The following ABCA12 variants were observed in gnomAD, a reference collection of about 807,000 sequenced individuals.
The protein encoded by ABCA12 is ATP binding cassette subfamily A member 12.
Under a neutral mutation model 293.5 loss-of-function variants are expected in ABCA12, and 156 were observed. The ratio of observed to expected loss-of-function variants is 0.53; its 90% CI spans 0.47 to 0.61. The LOEUF (loss-of-function observed/expected upper bound fraction) is 0.61. Ranked by LOEUF, ABCA12 falls within the 20% of genes least tolerant of loss-of-function variation. The probability of loss-of-function intolerance (pLI) is 0.00; values close to 1 mark genes in which losing one functional copy is unlikely to be tolerated. For missense variants in ABCA12, 2,797 were observed against 3,090.2 expected (o/e 0.91, Z 2.25); for synonymous variants, 1,063 against 1,108.0 (o/e 0.96, Z 0.81).
intron 28 of ABCA12, among the ~76,000 whole-genome samples, chr2:214,984,715 A>C (rs983866674): frequency 6.6e-6 from 1 of 152,086 alleles, no homozygotes; most frequent in Non-Finnish European, 1.5e-5. Context: ...GGAATCTGTA[A>C]GTCATTTTTG....
intron 2 of ABCA12, among the ~76,000 whole-genome samples, chr2:215,074,742 G>A (rs1250336747): frequency 6.6e-6 from 1 of 152,118 alleles, no homozygotes; most frequent in Admixed American, 6.6e-5. Flanking sequence ...AGGAGATCGA[G>A]AACATCCTGG....
rs1698621918 is a variant in ABCA12 at position 214,947,571 on chromosome 2, A to C, written c.7105-15T>G. 6.2e-7 allele frequency: 1 copy of C among 1,613,524 alleles called. No individual in the cohort carries two copies. The highest frequency in any genetic ancestry group is 1.1e-5 in the South Asian group (1 of 91,058). On this transcript the variant is annotated splice_polypyrimidine_tract_variant and intron_variant, in intron 47 of 52. Coordinates refer to ENST00000272895, the MANE Select transcript of ABCA12 (RefSeq NM_173076.3). ...TTATGAACAGTCTGTAGGCAATAAA[A>C]GGGGAGTTAGGTTGACCTTCCTGTG...
At chr2:215,086,919 T>TTCATTATTATTATTA (rs1425030663) in intron 2 of ABCA12, among the ~76,000 whole-genome samples, 4,624 of 151,080 alleles carry the variant, frequency 0.031, 260 homozygotes, top group African/African-American at 0.11. Context: ...TAACTACCAG[T>TTCATTATTATTATTA]TTATTATTAT....
intron 44 of ABCA12, among the ~76,000 whole-genome samples, chr2:214,952,977 C>G (rs1419570001): frequency 6.6e-6 from 1 of 151,986 alleles, no homozygotes; most frequent in African/African-American, 2.4e-5. Flanking sequence ...TAAATGGTAC[C>G]GAAGATGACA....
At chr2:215,052,696 ATGT>A in intron 4 of ABCA12, 112 bp from the exon 5 acceptor site, 2 of 913,696 alleles carry the variant, frequency 2.2e-6, no homozygotes, top group Non-Finnish European at 3.6e-6. Flanking sequence ...TACAGCAAGG[ATGT>A]GCTCAAACAT....
At chr2:215,126,219 G>A (rs534538727) in intron 1 of ABCA12, among the ~76,000 whole-genome samples, 1 of 152,134 alleles carries the variant, frequency 6.6e-6, no homozygotes, top group East Asian at 1.9e-4. Context: ...AAGGATTTTA[G>A]CATCTATGTT....
chr2:215,028,398 C>T (rs1295292656), intron 9 of ABCA12, among the ~76,000 whole-genome samples: 1 of 152,154 alleles, frequency 6.6e-6, no homozygotes, highest in Non-Finnish European at 1.5e-5. Context: ...CATTTAAATA[C>T]TATTCATAGT....
intron 1 of ABCA12, among the ~76,000 whole-genome samples, chr2:215,128,799 A>G (rs539198550): frequency 6.6e-6 from 1 of 152,226 alleles, no homozygotes; most frequent in Non-Finnish European, 1.5e-5. Context: ...TTGTCAGGTA[A>G]ATCAGGGATT....
chr2:215,103,131 C>G (rs2106118918), intron 2 of ABCA12, among the ~76,000 whole-genome samples: 2 of 152,156 alleles, frequency 1.3e-5, no homozygotes, highest in East Asian at 3.9e-4. Flanking sequence ...ACTTATTGCT[C>G]TCTTATAGGC....
intron 23 of ABCA12, among the ~76,000 whole-genome samples, chr2:214,995,392 T>G (rs1700011484): frequency 6.6e-6 from 1 of 152,230 alleles, no homozygotes; most frequent in African/African-American, 2.4e-5. Flanking sequence ...TCTGGTAACT[T>G]AAGAGATTAT....
At chr2:215,078,526 C>T (rs1243123238) in intron 2 of ABCA12, among the ~76,000 whole-genome samples, 1 of 152,170 alleles carries the variant, frequency 6.6e-6, no homozygotes, top group Non-Finnish European at 1.5e-5. Context: ...TTATGCAGTC[C>T]TAGTTGATAA....
At chr2:215,061,929 C>T (rs1701536049) in intron 3 of ABCA12, among the ~76,000 whole-genome samples, 1 of 152,008 alleles carries the variant, frequency 6.6e-6, no homozygotes, top group South Asian at 2.1e-4. Flanking sequence ...TAGTTGTCTA[C>T]TTCTTAGATA....
intron 1 of ABCA12, among the ~76,000 whole-genome samples, chr2:215,130,261 A>G (rs1179538046): frequency 6.6e-6 from 1 of 151,982 alleles, no homozygotes; most frequent in Non-Finnish European, 1.5e-5. Flanking sequence ...TATGTGAAAA[A>G]TGATGTTACT....
In ABCA12 at chr2:214,990,876, A is replaced by G; in HGVS notation, c.3450T>C (p.Tyr1150=). The change falls in exon 24 of 53, where the codon TAT becomes TAC. Residue 1150 remains tyrosine (Y), a synonymous_variant. Coordinates refer to ENST00000272895, the MANE Select transcript of ABCA12 (RefSeq NM_173076.3). The stretch of plus-strand genomic sequence containing the variant: ...TAACCGAGAAGCTGTAGTCCGAAAA[A>G]TACAGGAACAAAATGAACCCATTTG... ...PKTNGFILFL[Y]FSDYSFSVIA... The G allele has an allele frequency of 6.2e-7, 1 of 1,614,142 alleles. No homozygotes were observed.
intron 9 of ABCA12, among the ~76,000 whole-genome samples, chr2:215,027,524 G>A (rs1559154740): frequency 6.6e-6 from 1 of 151,860 alleles, no homozygotes; most frequent in Admixed American, 6.6e-5. Flanking sequence ...GCAATTTCTA[G>A]GCACACTTAC....
At chr2:215,060,337 C>A (rs1701504526) in intron 3 of ABCA12, among the ~76,000 whole-genome samples, 1 of 152,026 alleles carries the variant, frequency 6.6e-6, no homozygotes, top group Non-Finnish European at 1.5e-5. Context: ...TCATTATATT[C>A]TTATTGAATG....
intron 39 of ABCA12, chr2:214,962,262 G>T (rs1169636129): frequency 6.6e-6 from 1 of 152,072 alleles, no homozygotes; most frequent in Non-Finnish European, 1.5e-5. Context: ...ACTGAAGTAG[G>T]CATGGCTGAG....
intron 2 of ABCA12, among the ~76,000 whole-genome samples, chr2:215,072,614 G>C (rs961092177): frequency 1.3e-5 from 2 of 152,072 alleles, no homozygotes; most frequent in African/African-American, 4.8e-5. Context: ...GACCCTGCTG[G>C]GTGATGGGTT....
chr2:214,982,983 C>T (rs960437030), intron 29 of ABCA12, among the ~76,000 whole-genome samples: 4 of 152,226 alleles, frequency 2.6e-5, no homozygotes, highest in African/African-American at 4.8e-5. Context: ...ACCAGGAAAG[C>T]GGTCATTTGA....
Sources: allele counts gnomAD v4.1 joint callset (sites outside exome capture counted in the v4.1 genomes callset), GRCh38; gene constraint gnomAD v4.1.1; transcripts MANE v1.5; gene names NCBI Gene and HGNC (gene_info 2026-07-23, HGNC 2026-07-21).